EYA2: variants seen among roughly 807,000 people sequenced by gnomAD.
EYA2 encodes protein phosphatase EYA2.
Under a neutral mutation model 69.2 loss-of-function variants are expected in EYA2, and 31 were observed. The observed-to-expected ratio is 0.45, with a 90% CI of 0.34 to 0.60. EYA2 has a LOEUF of 0.60. Among genes scored for constraint, EYA2 ranks in the 20% least tolerant of loss-of-function variants. EYA2 has a pLI of 0.02. For synonymous variants in EYA2, 257 were observed against 279.4 expected (o/e 0.92, Z 0.80); for missense variants, 622 against 701.2 (o/e 0.89, Z 1.28).
chr20:47,087,944 TGGC>T (rs922331611), intron 7 of EYA2, among the ~76,000 whole-genome samples: 1 of 152,210 alleles, frequency 6.6e-6, no homozygotes, highest in Non-Finnish European at 1.5e-5. Context: ...AATAGAGAAG[TGGC>T]GGGGCACAGT....
chr20:47,146,718 G>T (rs1293509991), intron 10 of EYA2, among the ~76,000 whole-genome samples: 4 of 152,176 alleles, frequency 2.6e-5, no homozygotes, highest in African/African-American at 7.2e-5. Context: ...CGTGCTCAAG[G>T]CCCGGCAAAG....
intron 10 of EYA2, among the ~76,000 whole-genome samples, chr20:47,155,049 T>C (rs1373865353): frequency 1.3e-5 from 2 of 151,682 alleles, no homozygotes; most frequent in African/African-American, 4.8e-5. Flanking sequence ...AGAGACAGGG[T>C]TTCACCATGT....
chr20:47,096,868 T>A (rs559689142), intron 8 of EYA2, among the ~76,000 whole-genome samples: 2 of 152,350 alleles, frequency 1.3e-5, no homozygotes, highest in East Asian at 3.9e-4. Flanking sequence ...CTGACATCTT[T>A]TGAGTTGATA....
intron 1 of EYA2, among the ~76,000 whole-genome samples, chr20:46,939,503 G>A (rs191190769): frequency 6.6e-5 from 10 of 152,176 alleles, no homozygotes; most frequent in Admixed American, 5.2e-4. Context: ...ACCCCTAGGG[G>A]TTCCAGTTAT....
chr20:46,943,555 C>A (rs1206304668), intron 1 of EYA2, among the ~76,000 whole-genome samples: 1 of 152,180 alleles, frequency 6.6e-6, no homozygotes, highest in Non-Finnish European at 1.5e-5. Context: ...AGGGAACATT[C>A]GGAGTCTCAG....
chr20:47,119,727 C>G (rs1456087171), intron 9 of EYA2, among the ~76,000 whole-genome samples: 1 of 152,096 alleles, frequency 6.6e-6, no homozygotes, highest in Admixed American at 6.5e-5. Flanking sequence ...TGTTTTGGAC[C>G]TAGGTGGAGG....
Position 46,909,605 on chromosome 20 carries a change from G to A in EYA2, c.-11+14618G>A, listed in dbSNP as rs189847053. 8.1e-4 allele frequency among the ~76,000 whole-genome samples: 123 copies of A among 152,336 alleles called. 1 individual carries two copies. Among genetic ancestry groups the A allele is most frequent in the African/African-American group, 2.6e-3 (108 of 41,582 alleles). On this transcript the variant is annotated intron_variant, in intron 1 of 15. Transcript: ENST00000327619. ...AAAAGTTCGAGGAGGGCTGGTTTCA[G>A]GTACAGCTGGTTCAAGAGCTCAGAT...
rs375215211 is a variant in EYA2, at chr20:47,075,853, C to T, written c.661+1518C>T. 4.7e-4 allele frequency among the ~76,000 whole-genome samples: 72 copies of T among 152,316 alleles called. No individual in the cohort carries two copies. In the South Asian group the frequency reaches 0.013, roughly 28 times the overall value. Reference sequence around the variant, plus strand: ...TAGTTTTCCAGTCCTCACCTTCCTTCCATCCTCTACCCTCAAGTAGGTCCT... The same window carrying T: ...TAGTTTTCCAGTCCTCACCTTCCTTTCATCCTCTACCCTCAAGTAGGTCCT... On this transcript the variant is annotated intron_variant, in intron 7 of 15. Coordinates refer to ENST00000327619, the MANE Select transcript of EYA2 (RefSeq NM_005244.5).
intron 10 of EYA2, among the ~76,000 whole-genome samples, chr20:47,163,698 C>CAAAAAAAA (rs11471495): frequency 2.9e-4 from 25 of 85,534 alleles, no homozygotes; most frequent in African/African-American, 1.1e-3. Context: ...AACACTGTCT[C>CAAAAAAAA]AAAAAAAAAA....
intron 5 of EYA2, among the ~76,000 whole-genome samples, chr20:47,049,520 C>G (rs1463442797): frequency 6.6e-6 from 1 of 150,632 alleles, no homozygotes; most frequent in African/African-American, 2.4e-5. Flanking sequence ...GTTAATTCAC[C>G]TGCAGATCTG....
intron 10 of EYA2, chr20:47,161,076 C>T (rs749432752): frequency 1.6e-5 from 5 of 308,738 alleles, no homozygotes; most frequent in Non-Finnish European, 3.0e-5. Flanking sequence ...GTCATAGATA[C>T]CCGCCATCAG....
chr20:47,060,194 T>C (rs570075048), intron 5 of EYA2, among the ~76,000 whole-genome samples: 14 of 152,350 alleles, frequency 9.2e-5, no homozygotes, highest in East Asian at 7.7e-4. Flanking sequence ...CCAACTAATA[T>C]TGGCTAAACT....
intron 15 of EYA2, among the ~76,000 whole-genome samples, chr20:47,186,252 C>G (rs769543593): frequency 9.9e-5 from 15 of 152,028 alleles, no homozygotes; most frequent in Non-Finnish European, 2.1e-4. Context: ...TGGGGTCTGC[C>G]CCTGGCATCT....
intron 1 of EYA2, among the ~76,000 whole-genome samples, chr20:46,940,041 C>A (rs897375300): frequency 6.6e-6 from 1 of 151,978 alleles, no homozygotes; most frequent in South Asian, 2.1e-4. Flanking sequence ...CTACTACGTG[C>A]GAGGATCTTG....
intron 1 of EYA2, among the ~76,000 whole-genome samples, chr20:46,911,619 A>G (rs1255926720): frequency 6.6e-6 from 1 of 152,204 alleles, no homozygotes; most frequent in African/African-American, 2.4e-5. Context: ...GCCATGGTGG[A>G]TGCTACTTGC....
chr20:47,013,894 G>A (rs112462701), intron 4 of EYA2, among the ~76,000 whole-genome samples: 7 of 152,164 alleles, frequency 4.6e-5, no homozygotes, highest in African/African-American at 7.2e-5. Context: ...TGGCACCATC[G>A]ATGGCATAAA....
chr20:47,158,215 T>A (rs1403149004), intron 10 of EYA2, among the ~76,000 whole-genome samples: 1 of 152,032 alleles, frequency 6.6e-6, no homozygotes, highest in Non-Finnish European at 1.5e-5. Flanking sequence ...TGTAATTTTT[T>A]AAAAAACACT....
chr20:47,090,866 CA>C lies in EYA2; in HGVS notation c.804+1489del, dbSNP rs540281275. Among the ~76,000 whole-genome samples, 135 of 152,170 alleles carry C rather than the reference CA, an allele frequency of 8.9e-4. 4 individuals carry two copies. The Middle Eastern group carries it at 0.014, about 15-fold the overall frequency. On this transcript the variant is annotated intron_variant, in intron 8 of 15. Transcript: ENST00000327619. Reference sequence around the variant, plus strand: ...AGGGGAGGGTACCAGTAGAAATAGGCAAAATGGATGCCCCAAAACCGGAAGT... The same window carrying C: ...AGGGGAGGGTACCAGTAGAAATAGGCAAATGGATGCCCCAAAACCGGAAGT...
intron 9 of EYA2, among the ~76,000 whole-genome samples, chr20:47,126,947 A>G (rs889998288): frequency 3.3e-5 from 5 of 152,208 alleles, no homozygotes; most frequent in African/African-American, 7.2e-5. Context: ...CCTGATTTGT[A>G]GAATCCTCAA....
Sources: gnomAD v4.1 joint callset for allele counts (sites outside exome capture counted in the v4.1 genomes callset) on GRCh38, gnomAD v4.1.1 for gene constraint, MANE v1.5 for transcripts, NCBI Gene and HGNC (gene_info 2026-07-23, HGNC 2026-07-21) for gene names.